The following ACAP2 variants were observed in gnomAD, a reference collection of about 807,000 sequenced individuals.
The protein encoded by ACAP2 is arf-GAP with coiled-coil, ANK repeat and PH domain-containing protein 2.
ACAP2 carries 39 observed loss-of-function variants against 115.8 expected under a neutral mutation model. The ratio of observed to expected loss-of-function variants is 0.34; its 90% CI spans 0.26 to 0.44. The LOEUF (loss-of-function observed/expected upper bound fraction) is 0.44, where lower values mean the gene tolerates loss of function less well. Among genes scored for constraint, ACAP2 ranks in the 20% least tolerant of loss-of-function variants. The probability of loss-of-function intolerance (pLI) is 1.00; values close to 1 mark genes in which losing one functional copy is unlikely to be tolerated. For missense variants in ACAP2, 662 were observed against 927.6 expected (o/e 0.71, Z 3.72); for synonymous variants, 289 against 315.8 (o/e 0.92, Z 0.90).
chr3:195,355,608 A>G lies in ACAP2; in HGVS notation c.286-10291T>C, dbSNP rs543181528. Among the ~76,000 whole-genome samples, 7 of 152,380 alleles carry G rather than the reference A, an allele frequency of 4.6e-5. 1 individual carries two copies. The South Asian group carries it at 1.2e-3, about 27-fold the overall frequency. Reference sequence around the variant, plus strand: ...TGAACTTACAAAAGTGCATAGAATAATATATGACTCTTTAAAACCAACAGC... The same window carrying G: ...TGAACTTACAAAAGTGCATAGAATAGTATATGACTCTTTAAAACCAACAGC... On this transcript the variant is annotated intron_variant, in intron 4 of 22. Coordinates refer to ENST00000326793, the MANE Select transcript of ACAP2 (RefSeq NM_012287.6).
intron 10 of ACAP2, among the ~76,000 whole-genome samples, chr3:195,318,479 G>C (rs1173205522): frequency 1.3e-5 from 2 of 152,212 alleles, no homozygotes; most frequent in African/African-American, 2.4e-5. Context: ...GGCTGAGGTG[G>C]TCTCAGATGG....
intron 1 of ACAP2, among the ~76,000 whole-genome samples, chr3:195,424,257 G>A (rs1285916364): frequency 1.4e-4 from 10 of 72,664 alleles, no homozygotes; most frequent in African/African-American, 5.3e-4. Context: ...GTGTGTGTGT[G>A]TGTGTATATA....
intron 1 of ACAP2, among the ~76,000 whole-genome samples, chr3:195,403,192 T>C (rs1560333436): frequency 6.6e-6 from 1 of 152,150 alleles, no homozygotes; most frequent in Non-Finnish European, 1.5e-5. Flanking sequence ...AAGCCACCAA[T>C]GCAACATTCC....
chr3:195,291,925 C>T, intron 19 of ACAP2, 110 bp from the exon 20 acceptor site: 1 of 907,380 alleles, frequency 1.1e-6, no homozygotes. Flanking sequence ...ATTTCCATTT[C>T]CTTCTCTCCA....
In ACAP2 at chr3:195,326,866, A is replaced by G; in HGVS notation, c.744+19T>C. ...ATTGTATAAAGTGGAATTAATTTTT[A>G]ATTTTTCCCCTGAGGTACCTTTTGT... is the stretch of plus-strand genomic sequence containing the variant. On this transcript the variant is annotated intron_variant, in intron 9 of 22. Coordinates refer to ENST00000326793, the MANE Select transcript of ACAP2 (RefSeq NM_012287.6). 1 of 1,612,346 alleles carries G rather than the reference A, an allele frequency of 6.2e-7. No homozygotes were observed. The highest frequency in any genetic ancestry group is 8.5e-7 in the Non-Finnish European group (1 of 1,178,610).
chr3:195,341,968 T>C (rs1461041836), intron 6 of ACAP2, among the ~76,000 whole-genome samples: 1 of 151,880 alleles, frequency 6.6e-6, no homozygotes, highest in African/African-American at 2.4e-5. Flanking sequence ...CAGAGTGGTG[T>C]AATGTGCACT....
At chr3:195,334,172 C>T (rs1730353794) in intron 7 of ACAP2, among the ~76,000 whole-genome samples, 1 of 149,896 alleles carries the variant, frequency 6.7e-6, no homozygotes, top group Non-Finnish European at 1.5e-5. Context: ...ACGTCTAAAA[C>T]AGGTCATAAA....
chr3:195,304,222 G>A (rs1259431314), intron 13 of ACAP2, among the ~76,000 whole-genome samples: 2 of 138,028 alleles, frequency 1.4e-5, no homozygotes, highest in South Asian at 2.3e-4. Flanking sequence ...GGATTATTCC[G>A]AAATTTTAAG....
At chr3:195,373,308 G>T (rs1011959539) in intron 4 of ACAP2, among the ~76,000 whole-genome samples, 1 of 151,958 alleles carries the variant, frequency 6.6e-6, no homozygotes, top group African/African-American at 2.4e-5. Context: ...ATATATAAAA[G>T]TATGCATGTA....
At chr3:195,424,731 C>T (rs1399528566) in intron 1 of ACAP2, among the ~76,000 whole-genome samples, 1 of 151,572 alleles carries the variant, frequency 6.6e-6, no homozygotes, top group African/African-American at 2.4e-5. Flanking sequence ...GCCTGGGCAA[C>T]ACAGTGAGAT....
chr3:195,374,290 C>T (rs1733369231), intron 4 of ACAP2, among the ~76,000 whole-genome samples: 2 of 151,824 alleles, frequency 1.3e-5, no homozygotes, highest in South Asian at 4.1e-4. Flanking sequence ...CTAGGGAGGC[C>T]GAGGCACAAG....
At chr3:195,279,480 A>T in intron 22 of ACAP2, 52 bp from the exon 23 acceptor site, 1 of 1,186,598 alleles carries the variant, frequency 8.4e-7, no homozygotes, top group Non-Finnish European at 1.2e-6. Context: ...GTATTAATCA[A>T]ACAACATTCA....
At chr3:195,430,033 C>A (rs1235783171) in intron 1 of ACAP2, among the ~76,000 whole-genome samples, 2 of 152,068 alleles carry the variant, frequency 1.3e-5, no homozygotes, top group East Asian at 3.9e-4. Context: ...AAATTAAGTG[C>A]AAAATGCCAG....
chr3:195,427,271 C>A (rs1057335176), intron 1 of ACAP2, among the ~76,000 whole-genome samples: 4 of 152,178 alleles, frequency 2.6e-5, no homozygotes, highest in Non-Finnish European at 5.9e-5. Context: ...TGCCAACTGG[C>A]CTTTTATTTT....
intron 18 of ACAP2, among the ~76,000 whole-genome samples, chr3:195,294,184 A>T (rs1057148157): frequency 2.6e-5 from 4 of 152,110 alleles, no homozygotes; most frequent in Non-Finnish European, 5.9e-5. Context: ...AACAATATAT[A>T]GCTAGGACAG....
At chr3:195,307,787 A>C (rs778672122) in intron 11 of ACAP2, among the ~76,000 whole-genome samples, 1 of 152,184 alleles carries the variant, frequency 6.6e-6, no homozygotes, top group Non-Finnish European at 1.5e-5. Flanking sequence ...CTACTGTTTA[A>C]TAAAAATATA....
intron 1 of ACAP2, among the ~76,000 whole-genome samples, chr3:195,423,847 CTT>C (rs1205182606): frequency 6.6e-6 from 1 of 151,590 alleles, no homozygotes; most frequent in Non-Finnish European, 1.5e-5. Context: ...AATGTAAAAA[CTT>C]AGCACACATG....
At position 195,438,755 on chromosome 3, in the gene ACAP2, G is replaced by A. The variant is rs186050689; in HGVS notation, c.53+4040C>T. On this transcript the variant is annotated intron_variant, in intron 1 of 22. Coordinates refer to ENST00000326793, the MANE Select transcript of ACAP2 (RefSeq NM_012287.6). The stretch of plus-strand genomic sequence containing the variant: ...CTTTTTAAAAAAAAAGTTATTCTAA[G>A]TTACTGAACAAGAATCGTATCTAGC... 3.6e-3 allele frequency among the ~76,000 whole-genome samples: 553 copies of A among 152,194 alleles called. 2 individuals are homozygous for A. Among genetic ancestry groups the A allele is most frequent in the Non-Finnish European group, 5.0e-3 (341 of 68,006 alleles).
intron 4 of ACAP2, among the ~76,000 whole-genome samples, chr3:195,376,268 C>T (rs770558183): frequency 1.3e-5 from 2 of 152,044 alleles, no homozygotes; most frequent in South Asian, 2.1e-4. Flanking sequence ...GTGGTGGGTG[C>T]CTGTAGTCCC....
Sources: gnomAD v4.1 joint callset for allele counts (sites outside exome capture counted in the v4.1 genomes callset) on GRCh38, gnomAD v4.1.1 for gene constraint, MANE v1.5 for transcripts, NCBI Gene and HGNC (gene_info 2026-07-23, HGNC 2026-07-21) for gene names.